The following SWAP70 variants were observed in gnomAD, a reference collection of about 807,000 sequenced individuals.
SWAP70 encodes the protein switch-associated protein 70.
Under a neutral mutation model 80.2 loss-of-function variants are expected in SWAP70, and 34 were observed. The ratio of observed to expected loss-of-function variants is 0.42; its 90% CI spans 0.32 to 0.56. The LOEUF (loss-of-function observed/expected upper bound fraction) is 0.56. Among genes scored for constraint, SWAP70 ranks in the 20% least tolerant of loss-of-function variants. SWAP70 has a pLI of 0.09. For missense variants in SWAP70, 578 were observed against 690.7 expected (o/e 0.84, Z 1.83); for synonymous variants, 239 against 238.5 (o/e 1.00, Z -0.02).
chr11:9,665,711 T>G (rs1157579228), intron 1 of SWAP70, among the ~76,000 whole-genome samples: 1 of 152,244 alleles, frequency 6.6e-6, no homozygotes, highest in Non-Finnish European at 1.5e-5. Flanking sequence ...GTACCAATAA[T>G]TTTTTAAATT....
intron 4 of SWAP70, among the ~76,000 whole-genome samples, chr11:9,727,507 G>A (rs951261678): frequency 6.6e-6 from 1 of 152,154 alleles, no homozygotes; most frequent in Non-Finnish European, 1.5e-5. Flanking sequence ...TTACAGGCAT[G>A]AGCCACTGCA....
At chr11:9,677,099 T>A (rs572873884) in intron 1 of SWAP70, among the ~76,000 whole-genome samples, 1 of 152,082 alleles carries the variant, frequency 6.6e-6, no homozygotes, top group East Asian at 1.9e-4. Context: ...TACTCTCTAA[T>A]AATAATAAAC....
chr11:9,751,698 C>CTGGAATATAATCCCATGAATTAT lies in SWAP70; in HGVS notation c.*1744_*1745insGAATTATTGGAATATAATCCCAT, dbSNP rs1851592170. ...ATGTATTTATTTACATGAGAGGAAA[C>CTGGAATATAATCCCATGAATTAT]TGGAATATAATCCCATAAATTATCA... is the stretch of plus-strand genomic sequence containing the variant. On this transcript the variant is annotated 3_prime_UTR_variant, in exon 12 of 12. Coordinates refer to ENST00000318950, the MANE Select transcript of SWAP70 (RefSeq NM_015055.4). The CTGGAATATAATCCCATGAATTAT allele has an allele frequency of 6.6e-6, 1 of 151,260 alleles. No homozygotes were observed. The highest frequency in any genetic ancestry group is 2.4e-5 in the African/African-American group (1 of 41,122). 9.4% of individuals were successfully genotyped at this position (151,260 alleles called of 1,614,324 possible). A position where few individuals can be genotyped will look rare whatever the true frequency, so the allele number is the denominator to read the frequency against.
chr11:9,749,041 A>T, intron 10 of SWAP70, 46 bp from the exon 11 acceptor site: 1 of 1,304,902 alleles, frequency 7.7e-7, no homozygotes, highest in Non-Finnish European at 1.1e-6. Flanking sequence ...TTTGGTTCTT[A>T]AACTACCCGT....
At chr11:9,674,552 T>C (rs1850462539) in intron 1 of SWAP70, among the ~76,000 whole-genome samples, 1 of 151,996 alleles carries the variant, frequency 6.6e-6, no homozygotes, top group South Asian at 2.1e-4. Flanking sequence ...ATTTAAAAAT[T>C]AGCTGGACAT....
chr11:9,746,418 C>T (rs538377971), intron 9 of SWAP70, among the ~76,000 whole-genome samples: 64 of 152,342 alleles, frequency 4.2e-4, no homozygotes, highest in Admixed American at 2.2e-3. Context: ...CTTATATCCC[C>T]AGTGCCTAGA....
intron 2 of SWAP70, among the ~76,000 whole-genome samples, chr11:9,712,075 C>T (rs1851005642): frequency 1.3e-5 from 2 of 152,172 alleles, no homozygotes; most frequent in African/African-American, 4.8e-5. Flanking sequence ...TGTCCTGTCA[C>T]TCTTTCTGCG....
In SWAP70 at chr11:9,726,060, A is replaced by G. The variant is rs1288415334; in HGVS notation, c.642+1175A>G. On this transcript the variant is annotated intron_variant, in intron 4 of 11. Transcript: ENST00000318950. ...TAAAATGTTTACAGTGATCACCTCT[A>G]GATTGTGGGATTTTGGTGAATTTTT... is the stretch of plus-strand genomic sequence containing the variant. Among the ~76,000 whole-genome samples, 5 of 152,060 alleles carry G rather than the reference A, an allele frequency of 3.3e-5. No homozygotes were observed. In the South Asian group the frequency reaches 1.0e-3, roughly 32 times the overall value.
chr11:9,683,169 C>T (rs1242068899), intron 1 of SWAP70, among the ~76,000 whole-genome samples: 1 of 152,078 alleles, frequency 6.6e-6, no homozygotes, highest in Non-Finnish European at 1.5e-5. Flanking sequence ...GAGGCTGAGG[C>T]AGGTGGATGG....
rs575223192 is a variant in SWAP70, at chr11:9,718,012, C to T, written c.414+4373C>T. Among the ~76,000 whole-genome samples, 11 of 152,322 alleles carry T rather than the reference C, an allele frequency of 7.2e-5. No individual in the cohort carries two copies. In the South Asian group the frequency reaches 1.5e-3, roughly 20 times the overall value. On this transcript the variant is annotated intron_variant, in intron 3 of 11. Coordinates refer to ENST00000318950, the MANE Select transcript of SWAP70 (RefSeq NM_015055.4). Reference sequence around the variant, plus strand: ...CAAAAGATTTGTGCTGCAGGCATCCCGAAGGATTGGGACCCACATGGGCCT... The same window carrying T: ...CAAAAGATTTGTGCTGCAGGCATCCTGAAGGATTGGGACCCACATGGGCCT...
intron 7 of SWAP70, among the ~76,000 whole-genome samples, chr11:9,733,202 CA>C (rs1436298949): frequency 6.6e-6 from 1 of 152,140 alleles, no homozygotes; most frequent in African/African-American, 2.4e-5. Context: ...GGTCAAGTAC[CA>C]TATGCTATAT....
intron 2 of SWAP70, among the ~76,000 whole-genome samples, chr11:9,706,386 G>GT (rs999865219): frequency 2.0e-5 from 3 of 151,604 alleles, no homozygotes; most frequent in South Asian, 2.1e-4. Context: ...ATCAGCACTT[G>GT]TTTTTTTTCC....
chr11:9,707,956 T>A (rs1850941443), intron 2 of SWAP70, among the ~76,000 whole-genome samples: 2 of 152,210 alleles, frequency 1.3e-5, no homozygotes, highest in Non-Finnish European at 2.9e-5. Context: ...TATTTAGTGG[T>A]AACTTCTGAG....
rs367913349 is a variant in SWAP70 at position 9,683,371 on chromosome 11, G to A, written c.100-10775G>A. On this transcript the variant is annotated intron_variant, in intron 1 of 11. Transcript: ENST00000318950. ...GTCGAGCCTGTGGTGAGCCCAGATC[G>A]AGCTACTGCACTCCAGCCTGAGTAA... Among the ~76,000 whole-genome samples the A allele has an allele frequency of 7.9e-5, 12 of 151,914 alleles. No homozygotes were observed. In the East Asian group the frequency reaches 2.1e-3, roughly 27 times the overall value.
rs543310803 is a variant in SWAP70, at chr11:9,733,404, T to C, written c.1080+694T>C. On this transcript the variant is annotated intron_variant, in intron 7 of 11. Transcript: ENST00000318950. ...TTCATGCACATCTGTGCAAAAACTTTGCTCTGGGATATGGGGGTGGCTCAT... is the reference window on the plus strand; with the variant it reads ...TTCATGCACATCTGTGCAAAAACTTCGCTCTGGGATATGGGGGTGGCTCAT... Among the ~76,000 whole-genome samples, 8 of 152,296 alleles carry C rather than the reference T, an allele frequency of 5.3e-5. No individual in the cohort carries two copies. In the South Asian group the frequency reaches 1.7e-3, roughly 32 times the overall value.
intron 1 of SWAP70, among the ~76,000 whole-genome samples, chr11:9,685,709 C>G (rs1850622753): frequency 6.6e-6 from 1 of 152,152 alleles, no homozygotes; most frequent in Admixed American, 6.5e-5. Context: ...TTTCTGCTCA[C>G]TGCAATCTCT....
chr11:9,692,033 A>G (rs894898559), intron 1 of SWAP70, among the ~76,000 whole-genome samples: 1 of 151,888 alleles, frequency 6.6e-6, no homozygotes, highest in African/African-American at 2.4e-5. Context: ...AACACATACT[A>G]TTTCTCCTTT....
rs1292397385 is a variant in SWAP70 at position 9,728,173 on chromosome 11, C to G, written c.763C>G (p.Leu255Val). The G allele has an allele frequency of 1.2e-6, 2 of 1,611,508 alleles. No homozygotes were observed. The highest frequency in any genetic ancestry group is 2.2e-5 in the East Asian group (1 of 44,714). Reference protein sequence around the residue: ...EDLKDKKGDILLDENCCVESL... With the variant: ...EDLKDKKGDIVLDENCCVESL... ...TCTGAAGGATAAGAAAGGAGACATTCTCTTGGATGAAAATTGCTGTGTAGA... is the reference window on the plus strand; with the variant it reads ...TCTGAAGGATAAGAAAGGAGACATTGTCTTGGATGAAAATTGCTGTGTAGA... Residue 255 changes from leucine to valine, a missense_variant, in exon 5 of 12, where the codon CTC becomes GTC. By Grantham distance (32) the Leu-to-Val change is conservative. Coordinates refer to ENST00000318950, the MANE Select transcript of SWAP70 (RefSeq NM_015055.4).
At chr11:9,711,037 C>T (rs1850991380) in intron 2 of SWAP70, among the ~76,000 whole-genome samples, 1 of 146,566 alleles carries the variant, frequency 6.8e-6, no homozygotes, top group South Asian at 2.1e-4. Flanking sequence ...TATTGTTATA[C>T]ATATTTATTT....
Sources: gnomAD v4.1 joint callset for allele counts (sites outside exome capture counted in the v4.1 genomes callset) on GRCh38, gnomAD v4.1.1 for gene constraint, MANE v1.5 for transcripts, NCBI Gene and HGNC (gene_info 2026-07-23, HGNC 2026-07-21) for gene names.